The following EIF2S3B variants were observed in gnomAD, a reference collection of about 807,000 sequenced individuals.
EIF2S3B encodes eukaryotic translation initiation factor 2 subunit 3B.
A neutral mutation model predicts 26.4 loss-of-function variants in EIF2S3B; 16 were observed. The ratio of observed to expected loss-of-function variants is 0.61; its 90% CI spans 0.41 to 0.92. The LOEUF (loss-of-function observed/expected upper bound fraction) is 0.92. EIF2S3B is among the 40% of genes least tolerant of loss of function. The pLI, the probability that EIF2S3B is intolerant of heterozygous loss-of-function variation, is 0.00. For synonymous variants in EIF2S3B, 183 were observed against 204.4 expected (o/e 0.90, Z 0.89); for missense variants, 510 against 575.5 (o/e 0.89, Z 1.16).
At chr12:10,511,432 C>G (rs1340099199), downstream of EIF2S3B, among the ~76,000 whole-genome samples, 1 of 152,106 alleles carries the variant, frequency 6.6e-6, no homozygotes, top group Non-Finnish European at 1.5e-5. Context: ...GCTGGGATTA[C>G]AGGCATGAGC....
chr12:10,510,946 CTCAAA>C (rs1349253939), downstream of EIF2S3B, among the ~76,000 whole-genome samples: 1 of 152,050 alleles, frequency 6.6e-6, no homozygotes, highest in Non-Finnish European at 1.5e-5. Flanking sequence ...AGTAAAATTA[CTCAAA>C]TCAATATGAC....
At position 10,506,384 on chromosome 12, in the gene EIF2S3B, G is replaced by A; in HGVS notation, c.482G>A (p.Gly161Asp). 6.2e-7 allele frequency: 1 copy of A among 1,614,074 alleles called. No individual in the cohort carries two copies. The highest frequency in any genetic ancestry group is 8.5e-7 in the Non-Finnish European group (1 of 1,179,966). Residue 161 changes from glycine to aspartate, a missense_variant, in exon 1 of 1, where the codon GGT (glycine) becomes GAT (aspartate). Coordinates refer to ENST00000538173, the MANE Select transcript of EIF2S3B (RefSeq NM_001357734.3). ...VMDAALLLIA[G>D]NESCPQPQTS... ...GATGCAGCTCTTCTGTTGATAGCTG[G>A]TAATGAATCTTGCCCTCAGCCTCAG...
downstream of EIF2S3B, among the ~76,000 whole-genome samples, chr12:10,511,251 G>A (rs1864702116): frequency 6.6e-6 from 1 of 151,200 alleles, no homozygotes; most frequent in Non-Finnish European, 1.5e-5. Context: ...AAGGAGCTCT[G>A]CAAAACTTTA....
At chr12:10,522,192 T>C (rs1320714416) in intron 1 of EIF2S3B, among the ~76,000 whole-genome samples, 2 of 152,140 alleles carry the variant, frequency 1.3e-5, no homozygotes, top group African/African-American at 4.8e-5. Flanking sequence ...ACACATAGCC[T>C]GGTGTAGTGG....
At chr12:10,518,738 A>T (rs1228652762) in intron 1 of EIF2S3B, among the ~76,000 whole-genome samples, 2 of 151,896 alleles carry the variant, frequency 1.3e-5, no homozygotes, top group Non-Finnish European at 2.9e-5. Context: ...GAGCCAAATC[A>T]TGAGTGAACT....
intron 1 of EIF2S3B, among the ~76,000 whole-genome samples, chr12:10,519,683 T>G (rs1864809340): frequency 6.6e-6 from 1 of 151,790 alleles, no homozygotes; most frequent in African/African-American, 2.4e-5. Context: ...AACAACCCCA[T>G]CAAAAAGTGG....
Position 10,507,116 on chromosome 12 carries a change from T to C in EIF2S3B, c.1214T>C (p.Met405Thr), listed in dbSNP as rs1385901871. 1.2e-6 allele frequency: 2 copies of C among 1,613,844 alleles called. No individual in the cohort carries two copies. Among genetic ancestry groups the C allele is most frequent in the Non-Finnish European group, 8.5e-7 (1 of 1,179,712 alleles). The stretch of plus-strand genomic sequence containing the variant: ...AAGCTGTCTAAGAATGAAGTGCTCA[T>C]GGTGAACATAGGATCCCTGTCGACA... ...VQKLSKNEVL[M>T]VNIGSLSTGG... Residue 405 changes from methionine (M) to threonine (T), a missense_variant, in exon 1 of 1, where the codon ATG (methionine) becomes ACG (threonine). Coordinates refer to ENST00000538173, the MANE Select transcript of EIF2S3B (RefSeq NM_001357734.3).
intron 1 of EIF2S3B, among the ~76,000 whole-genome samples, chr12:10,520,516 T>C (rs1226039875): frequency 6.7e-6 from 1 of 149,822 alleles, no homozygotes; most frequent in Non-Finnish European, 1.5e-5. Flanking sequence ...ATAATAATAA[T>C]AAAATAAAAT....
intron 1 of EIF2S3B, chr12:10,522,477 C>T (rs1427504700): frequency 2.0e-6 from 1 of 510,434 alleles, no homozygotes; most frequent in Non-Finnish European, 3.5e-6. Flanking sequence ...AAGCATCATT[C>T]AATTAATGGA....
At chr12:10,511,420 G>A (rs1864703294), downstream of EIF2S3B, among the ~76,000 whole-genome samples, 1 of 152,070 alleles carries the variant, frequency 6.6e-6, no homozygotes, top group Non-Finnish European at 1.5e-5. Context: ...ACCTCTTCAA[G>A]TGCTGGGATT....
rs1417187444 is a variant in EIF2S3B, at chr12:10,516,192, T to C, written c.1309-6411T>C. Among the ~76,000 whole-genome samples the C allele has an allele frequency of 2.0e-5, 3 of 152,210 alleles. No homozygotes were observed. In the East Asian group the frequency reaches 5.8e-4, roughly 29 times the overall value. ...TCAATATCATCAGTACCATTATGAT[T>C]GCTAACATGTCTCTAGAACCTTATA... On this transcript the variant is annotated intron_variant, in intron 1 of 1. Transcript: ENST00000322446.
At chr12:10,513,626 G>T (rs1253470125) in intron 1 of EIF2S3B, among the ~76,000 whole-genome samples, 1 of 152,176 alleles carries the variant, frequency 6.6e-6, no homozygotes, top group Non-Finnish European at 1.5e-5. Context: ...TGGATATGTA[G>T]TTAGAATTCC....
At chr12:10,515,412 C>T (rs534222128) in intron 1 of EIF2S3B, among the ~76,000 whole-genome samples, 2 of 151,854 alleles carry the variant, frequency 1.3e-5, no homozygotes, top group East Asian at 1.9e-4. Flanking sequence ...ATAGAAGATA[C>T]CCAAAGTTGT....
Position 10,507,536 on chromosome 12 carries a change from C to T in EIF2S3B, c.*215C>T. 1 of 611,544 alleles carries T rather than the reference C, an allele frequency of 1.6e-6. No homozygotes were observed. The highest frequency in any genetic ancestry group is 3.0e-5 in the Admixed American group (1 of 33,134). 37.9% of individuals were successfully genotyped at this position (611,544 alleles called of 1,614,324 possible). On this transcript the variant is annotated 3_prime_UTR_variant, in exon 1 of 1. Coordinates refer to ENST00000538173, the MANE Select transcript of EIF2S3B (RefSeq NM_001357734.3). ...AAATTGGCATAATGTTGGATTGAATCTACATTTTGGCAGAAGTTAAGCATT... is the reference window on the plus strand; with the variant it reads ...AAATTGGCATAATGTTGGATTGAATTTACATTTTGGCAGAAGTTAAGCATT...
intron 1 of EIF2S3B, among the ~76,000 whole-genome samples, chr12:10,518,741 A>G (rs892891707): frequency 2.0e-4 from 30 of 151,890 alleles, no homozygotes; most frequent in African/African-American, 6.8e-4. Context: ...CCAAATCATG[A>G]GTGAACTCCC....
At chr12:10,522,702 ATT>A (rs1864846294) in exon 2 of EIF2S3B, 2 of 685,620 alleles carry the variant, frequency 2.9e-6, no homozygotes, top group Non-Finnish European at 5.3e-6. Context: ...CTAGGAAATC[ATT>A]TCTTTCTTTA....
rs761146576 is a variant in EIF2S3B, at chr12:10,506,194, C to T, written c.292C>T (p.Arg98Trp). 47 of 1,581,062 alleles carry T rather than the reference C, an allele frequency of 3.0e-5. No homozygotes were observed. In the East Asian group the frequency reaches 4.5e-4, roughly 15 times the overall value. The change falls in exon 1 of 1, where the codon CGG becomes TGG. Residue 98 changes from arginine (R) to tryptophan (W), a missense_variant. Transcript: ENST00000538173. ...IYQLDDPSCPRPECYRSCGSS... is the reference protein window; with the variant it reads ...IYQLDDPSCPWPECYRSCGSS... Reference sequence around the variant, plus strand: ...TCAACTTGATGACCCAAGTTGCCCTCGGCCAGAATGTTATCGATCTTGTGG... The same window carrying T: ...TCAACTTGATGACCCAAGTTGCCCTTGGCCAGAATGTTATCGATCTTGTGG...
downstream of EIF2S3B, among the ~76,000 whole-genome samples, chr12:10,513,050 G>C (rs960078540): frequency 6.6e-6 from 1 of 152,040 alleles, no homozygotes; most frequent in South Asian, 2.1e-4. Flanking sequence ...TTATCTACTT[G>C]TATATTTCAC....
Position 10,505,912 on chromosome 12 carries a change from G to A in EIF2S3B, c.10G>A (p.Gly4Arg), listed in dbSNP as rs755147974. The change falls in exon 1 of 1, where the codon GGA becomes AGA. Residue 4 changes from glycine to arginine, a missense_variant. Physicochemically the swap from Gly to Arg is moderately radical, Grantham distance 125. Transcript: ENST00000538173. The stretch of plus-strand genomic sequence containing the variant: ...TTCCTCTTTTGGCAACATGGCGGGC[G>A]GAGAAGCTGGGGTGACTCTGGGGCA... MAG[G>R]EAGVTLGQPH... 2.1e-5 allele frequency: 34 copies of A among 1,596,164 alleles called. No individual in the cohort carries two copies. The highest frequency in any genetic ancestry group is 1.5e-4 in the South Asian group (14 of 90,710).
Sources: allele counts gnomAD v4.1 joint callset (sites outside exome capture counted in the v4.1 genomes callset), GRCh38; gene constraint gnomAD v4.1.1; transcripts MANE v1.5; gene names NCBI Gene and HGNC (gene_info 2026-07-23, HGNC 2026-07-21).